Variants in CDH23 observed in about 807,000 individuals in gnomAD.
CDH23 encodes the protein cadherin related 23, also known as cadherin-23.
CDH23 carries 189 observed loss-of-function variants against 317.1 expected under a neutral mutation model. That is an observed-to-expected ratio of 0.60 (90% CI 0.53 to 0.67). The LOEUF (loss-of-function observed/expected upper bound fraction) is 0.67. CDH23 is among the 30% of genes least tolerant of loss of function. The pLI is 0.00. For missense variants in CDH23, 4,401 were observed against 4,592.4 expected (o/e 0.96, Z 1.20); for synonymous variants, 1,839 against 1,876.8 (o/e 0.98, Z 0.52).
chr10:71,681,638 G>GGAAGA (rs1864656466), intron 17 of CDH23, among the ~76,000 whole-genome samples: 1 of 152,200 alleles, frequency 6.6e-6, no homozygotes, highest in African/African-American at 2.4e-5. Flanking sequence ...GGAAATGGAG[G>GGAAGA]GAAGAGAAGA....
chr10:71,535,286 C>A (rs1855633965), intron 6 of CDH23, among the ~76,000 whole-genome samples: 1 of 152,162 alleles, frequency 6.6e-6, no homozygotes, highest in South Asian at 2.1e-4. Context: ...ACTTTGCATT[C>A]CTGATCAGGT....
At chr10:71,569,392 A>G (rs530096929) in intron 7 of CDH23, among the ~76,000 whole-genome samples, 195 of 152,326 alleles carry the variant, frequency 1.3e-3, no homozygotes, top group African/African-American at 4.7e-3. Context: ...CACCCCAGAC[A>G]AACTAAGGGA....
intron 36 of CDH23, among the ~76,000 whole-genome samples, chr10:71,740,123 T>C (rs1029195833): frequency 6.6e-6 from 1 of 152,162 alleles, no homozygotes; most frequent in Admixed American, 6.5e-5. Flanking sequence ...CTGGGCCTCA[T>C]TTTCCCCACC....
Position 71,417,297 on chromosome 10 carries a change from A to G in CDH23, c.-6+19979A>G, listed in dbSNP as rs181535930. 1.7e-3 allele frequency among the ~76,000 whole-genome samples: 256 copies of G among 151,872 alleles called. 7 individuals are homozygous for G. Among genetic ancestry groups the G allele is most frequent in the Admixed American group, 0.014 (206 of 15,254 alleles). ...TCACCATGTTGGCCAGGCTGTTCTCAAACTACTGACCTCAGGTGATCCGCC... is the reference window on the plus strand; with the variant it reads ...TCACCATGTTGGCCAGGCTGTTCTCGAACTACTGACCTCAGGTGATCCGCC... On this transcript the variant is annotated intron_variant, in intron 1 of 69. Transcript: ENST00000224721.
intron 11 of CDH23, among the ~76,000 whole-genome samples, chr10:71,618,260 A>G (rs1456922077): frequency 6.6e-6 from 1 of 152,058 alleles, no homozygotes; most frequent in Admixed American, 6.5e-5. Context: ...GCCCAGCCTT[A>G]AAAGGAAGTA....
At chr10:71,752,932 C>T in intron 38 of CDH23, 2 of 1,605,304 alleles carry the variant, frequency 1.2e-6, no homozygotes, top group Non-Finnish European at 1.7e-6. Context: ...TCCTGGATAG[C>T]CGGCCCAGGA....
Position 71,799,470 on chromosome 10 carries a change from C to T in CDH23, c.7225-22C>T, listed in dbSNP as rs3802708. 0.086 allele frequency: 138,364 copies of T among 1,613,664 alleles called. 8,777 individuals are homozygous for T. Among genetic ancestry groups the T allele is most frequent in the East Asian group, 0.31 (13,795 of 44,868 alleles). ...TGGGACTGACCTTGGCCTACTCTCT[C>T]TCCCTGCCCCCTGGGCTCCAGGAGG... On this transcript the variant is annotated intron_variant, in intron 51 of 69. Transcript: ENST00000224721.
At chr10:71,634,690 G>A (rs1167796736) in intron 11 of CDH23, among the ~76,000 whole-genome samples, 2 of 152,240 alleles carry the variant, frequency 1.3e-5, no homozygotes, top group Non-Finnish European at 2.9e-5. Context: ...GGTAGAGCAT[G>A]GTGTCCTTGA....
At chr10:71,735,804 G>A (rs1449484648) in intron 34 of CDH23, among the ~76,000 whole-genome samples, 3 of 152,228 alleles carry the variant, frequency 2.0e-5, no homozygotes. Flanking sequence ...CCAGCCTGGG[G>A]GTGAGTGAGG....
intron 24 of CDH23, among the ~76,000 whole-genome samples, chr10:71,704,098 C>T (rs1865690591): frequency 1.3e-5 from 2 of 152,146 alleles, no homozygotes; most frequent in African/African-American, 2.4e-5. Flanking sequence ...GTACTGAGCC[C>T]CCCGTCCTGG....
chr10:71,807,792 G>A lies in CDH23; in HGVS notation c.8560+25G>A, dbSNP rs116085218. The A allele has an allele frequency of 9.2e-4, 1,462 of 1,584,394 alleles. 5 individuals are homozygous for A. The African/African-American group carries it at 0.016, about 17-fold the overall frequency. On this transcript the variant is annotated intron_variant, in intron 59 of 69. Transcript: ENST00000224721. Reference sequence around the variant, plus strand: ...GGTGCAGGGACTGGAGCCTGGGCACGAGGTGTGGGGTGGCCCCTGCCCTGC... The same window carrying A: ...GGTGCAGGGACTGGAGCCTGGGCACAAGGTGTGGGGTGGCCCCTGCCCTGC...
chr10:71,713,165 G>A (rs746996925), intron 28 of CDH23: 16 of 779,166 alleles, frequency 2.1e-5, no homozygotes, highest in South Asian at 1.3e-4. Flanking sequence ...GAGAGCCAGG[G>A]CCCAGCAAGG....
chr10:71,675,059 C>G, intron 14 of CDH23, 53 bp from the exon 15 acceptor site: 1 of 1,539,480 alleles, frequency 6.5e-7, no homozygotes, highest in African/African-American at 1.4e-5. Flanking sequence ...TCCTGTGGAC[C>G]TGAAGCCTCA....
intron 1 of CDH23, among the ~76,000 whole-genome samples, chr10:71,427,213 GAA>G (rs1164400100): frequency 0.12 from 10,479 of 89,524 alleles, 972 homozygotes; most frequent in Middle Eastern, 0.26. Context: ...AAGAAAGAAA[GAA>G]AGAAAGAAAG....
At chr10:71,814,643 C>T (rs1318274033) in intron 69 of CDH23, among the ~76,000 whole-genome samples, 1 of 151,620 alleles carries the variant, frequency 6.6e-6, no homozygotes, top group African/African-American at 2.4e-5. Context: ...TCTACACACA[C>T]ATACACACAC....
At chr10:71,667,359 A>AGAGAGTGTGTGTGT (rs58361666) in intron 14 of CDH23, among the ~76,000 whole-genome samples, 1 of 112,078 alleles carries the variant, frequency 8.9e-6, no homozygotes, top group Non-Finnish European at 1.7e-5. Context: ...AGAGAGAGAG[A>AGAGAGTGTGTGTGT]GTGTGTGTGT....
intron 1 of CDH23, among the ~76,000 whole-genome samples, chr10:71,428,592 CT>C (rs879419317): frequency 9.5e-5 from 14 of 147,470 alleles, no homozygotes; most frequent in South Asian, 2.2e-4. Context: ...ATATCTTCTT[CT>C]TTTTTTTTTA....
chr10:71,526,666 C>T (rs1378281808), intron 6 of CDH23, among the ~76,000 whole-genome samples: 1 of 152,164 alleles, frequency 6.6e-6, no homozygotes. Flanking sequence ...CCTTGAACCT[C>T]TAAACCCCAG....
intron 3 of CDH23, among the ~76,000 whole-genome samples, chr10:71,484,595 C>G (rs1423199614): frequency 6.6e-6 from 1 of 152,220 alleles, no homozygotes; most frequent in Non-Finnish European, 1.5e-5. Context: ...GAGCCCGGCC[C>G]TGCTCTGCCA....
Sources: allele counts gnomAD v4.1 joint callset (sites outside exome capture counted in the v4.1 genomes callset), GRCh38; gene constraint gnomAD v4.1.1; transcripts MANE v1.5; gene names NCBI Gene and HGNC (gene_info 2026-07-23, HGNC 2026-07-21).